Variants in TFF2 observed in about 807,000 individuals in gnomAD.
TFF2 encodes spasmolysin.
Under a neutral mutation model 16.0 loss-of-function variants are expected in TFF2, and 19 were observed. The ratio of observed to expected loss-of-function variants is 1.19; its 90% CI spans 0.83 to 1.74. The LOEUF is 1.74. TFF2 is among the 40% of genes most tolerant of loss of function. The pLI, the probability that TFF2 is intolerant of heterozygous loss-of-function variation, is 0.00. For synonymous variants in TFF2, 61 were observed against 65.4 expected, an observed-to-expected ratio of 0.93 and a Z score of 0.32; for missense variants, 168 against 166.8, an observed-to-expected ratio of 1.01 and a Z score of -0.04.
chr21:42,347,495 A>G lies in TFF2; in HGVS notation c.367T>C (p.Ser123Pro). Residue 123 changes from serine (S) to proline (P), a missense_variant, in exon 3 of 4, where the codon TCT becomes CCT. Ser to Pro is a moderately conservative substitution (Grantham distance 74). Coordinates refer to ENST00000291526, the MANE Select transcript of TFF2 (RefSeq NM_005423.5). ...CCCACAGCGACGTTACCTTCCACAG[A>G]CTTCGGGAAGAAGCACCAGGGCACT... ...FEVPWCFFPK[S>P]VEDCHY is the part of the protein sequence containing the mutation. The G allele has an allele frequency of 2.5e-6, 4 of 1,614,124 alleles. No individual in the cohort carries two copies. The highest frequency in any genetic ancestry group is 3.4e-6 in the Non-Finnish European group (4 of 1,179,996).
chr21:42,350,105 G>T, intron 1 of TFF2, 75 bp from the exon 2 acceptor site: 4 of 1,508,406 alleles, frequency 2.7e-6, no homozygotes, highest in Non-Finnish European at 3.6e-6. Flanking sequence ...GGTTCTAGGG[G>T]ATGCCTCTAC....
chr21:42,349,959 G>T lies in TFF2; in HGVS notation c.151C>A (p.Gln51Lys), dbSNP rs1016098281. Reference protein sequence around the residue: ...NCGFPGITSDQCFDNGCCFDS... With the variant: ...NCGFPGITSDKCFDNGCCFDS... ...AAACAGCATCCATTGTCAAAACACT[G>T]GTCACTGGTGATTCCAGGGAAGCCG... Residue 51 changes from glutamine (Q) to lysine (K), a missense_variant, in exon 2 of 4, where the codon CAG becomes AAG. Gln to Lys is a moderately conservative substitution (Grantham distance 53). Transcript: ENST00000291526. The T allele has an allele frequency of 2.3e-5, 36 of 1,599,082 alleles. No homozygotes were observed. Among genetic ancestry groups the T allele is most frequent in the Non-Finnish European group, 3.1e-5 (36 of 1,172,658 alleles).
Position 42,350,034 on chromosome 21 carries a change from T to C in TFF2, c.80-4A>G. The stretch of plus-strand genomic sequence containing the variant: ...AGCCTGGAGCACTGGCAGGGGGCTG[T>C]GGAAAGACCCTCAGTCGGCCCCACC... On this transcript the variant is annotated splice_polypyrimidine_tract_variant and splice_region_variant and intron_variant, in intron 1 of 3. Transcript: ENST00000291526. 1 of 1,595,820 alleles carries C rather than the reference T, an allele frequency of 6.3e-7. No individual in the cohort carries two copies. The highest frequency in any genetic ancestry group is 8.5e-7 in the Non-Finnish European group (1 of 1,171,350).
Position 42,346,524 on chromosome 21 carries a change from C to T in TFF2, c.*9G>A, listed in dbSNP as rs781695649. The T allele has an allele frequency of 6.2e-7, 1 of 1,608,506 alleles. No individual in the cohort carries two copies. Among genetic ancestry groups the T allele is most frequent in the East Asian group, 2.2e-5 (1 of 44,800 alleles). On this transcript the variant is annotated 3_prime_UTR_variant, in exon 4 of 4. Coordinates refer to ENST00000291526, the MANE Select transcript of TFF2 (RefSeq NM_005423.5). ...GTGAGCCAGATGCATCCTCTGGAAC[C>T]AGCCTCTCTTAGTAATGGCAGTCTA...
Position 42,350,041 on chromosome 21 carries a change from A to G in TFF2, c.80-11T>C, listed in dbSNP as rs2052104077. 6.3e-7 allele frequency: 1 copy of G among 1,591,322 alleles called. No individual in the cohort carries two copies. The highest frequency in any genetic ancestry group is 8.6e-7 in the Non-Finnish European group (1 of 1,169,400). On this transcript the variant is annotated splice_polypyrimidine_tract_variant and intron_variant, in intron 1 of 3. Coordinates refer to ENST00000291526, the MANE Select transcript of TFF2 (RefSeq NM_005423.5). The stretch of plus-strand genomic sequence containing the variant: ...AGCACTGGCAGGGGGCTGTGGAAAG[A>G]CCCTCAGTCGGCCCCACCCTGGTAC...
chr21:42,349,926 T>C lies in TFF2; in HGVS notation c.184A>G (p.Ser62Gly), dbSNP rs2052102702. The change falls in exon 2 of 4, where the codon AGT becomes GGT. Residue 62 changes from serine to glycine, a missense_variant. Coordinates refer to ENST00000291526, the MANE Select transcript of TFF2 (RefSeq NM_005423.5). Reference sequence around the variant, plus strand: ...AAACACCAGGGGACCCCAGTGACACTGGAGTCGAAACAGCATCCATTGTCA... The same window carrying C: ...AAACACCAGGGGACCCCAGTGACACCGGAGTCGAAACAGCATCCATTGTCA... ...CFDNGCCFDS[S>G]VTGVPWCFHP... 6.2e-7 allele frequency: 1 copy of C among 1,601,002 alleles called. No homozygotes were observed. Among genetic ancestry groups the C allele is most frequent in the South Asian group, 1.1e-5 (1 of 88,506 alleles).
chr21:42,347,715 A>T, intron 2 of TFF2, 83 bp from the exon 3 acceptor site: 1 of 1,531,898 alleles, frequency 6.5e-7, no homozygotes, highest in African/African-American at 1.4e-5. Flanking sequence ...CTCTGAGAGC[A>T]GCGCTGATTT....
chr21:42,350,231 GAA>G (rs5844112), intron 1 of TFF2: 11,317 of 946,088 alleles, frequency 0.012, no homozygotes, highest in Middle Eastern at 0.025. Context: ...AGTTTAAAAG[GAA>G]AAAAAAAAAA....
Position 42,350,869 on chromosome 21 carries a change from C to A in TFF2, c.79+10G>T, listed in dbSNP as rs767493833. On this transcript the variant is annotated intron_variant, in intron 1 of 3. Coordinates refer to ENST00000291526, the MANE Select transcript of TFF2 (RefSeq NM_005423.5). ...AGAAAGCACATAAAAAGACCCTCTC[C>A]TTCACTTACAGGGTTTCTCACTCCC... The A allele has an allele frequency of 4.5e-5, 73 of 1,605,984 alleles. No individual in the cohort carries two copies. The highest frequency in any genetic ancestry group is 5.6e-5 in the Non-Finnish European group (66 of 1,177,318).
chr21:42,347,656 C>G (rs1385409218), intron 2 of TFF2, 24 bp from the exon 3 acceptor site: 3 of 1,611,488 alleles, frequency 1.9e-6, no homozygotes, highest in East Asian at 2.2e-5. Context: ...GGCACAGCAC[C>G]GAGACCCAGT....
intron 3 of TFF2, among the ~76,000 whole-genome samples, 164 bp from the exon 4 acceptor site, chr21:42,346,710 C>T (rs2052071446): frequency 6.6e-6 from 1 of 152,194 alleles, no homozygotes; most frequent in South Asian, 2.1e-4. Flanking sequence ...CTTCCCACCC[C>T]AGGCCAGAGT....
In TFF2 at chr21:42,347,610, C is replaced by A. The variant is rs1485693426; in HGVS notation, c.252G>T (p.Glu84Asp). 6.2e-7 allele frequency: 1 copy of A among 1,614,054 alleles called. No homozygotes were observed. Among genetic ancestry groups the A allele is most frequent in the Non-Finnish European group, 8.5e-7 (1 of 1,180,036 alleles). ...AGCCACAGTTTCTTCGGTCTGAGAC[C>A]TCCATGACGCACTGATCCGACTCTG... Reference protein sequence around the residue: ...PKQESDQCVMEVSDRRNCGYP... With the variant: ...PKQESDQCVMDVSDRRNCGYP... Residue 84 changes from glutamate to aspartate, a missense_variant, in exon 3 of 4, where the codon GAG becomes GAT. By Grantham distance (45) the Glu-to-Asp change is conservative. Coordinates refer to ENST00000291526, the MANE Select transcript of TFF2 (RefSeq NM_005423.5).
chr21:42,350,224 T>G (rs2063548072), intron 1 of TFF2, 194 bp from the exon 2 acceptor site: 1 of 1,221,236 alleles, frequency 8.2e-7, no homozygotes, highest in African/African-American at 1.6e-5. Context: ...TTATATTAGT[T>G]TAAAAGGAAA....
At chr21:42,348,716 C>T (rs1216490371) in intron 2 of TFF2, among the ~76,000 whole-genome samples, 1 of 151,876 alleles carries the variant, frequency 6.6e-6, no homozygotes, top group Non-Finnish European at 1.5e-5. Context: ...CCTGGGCTAC[C>T]TCTAGACTAA....
chr21:42,348,769 G>A (rs1403083011), intron 2 of TFF2, among the ~76,000 whole-genome samples: 4 of 151,046 alleles, frequency 2.6e-5, no homozygotes, highest in African/African-American at 9.8e-5. Context: ...ACCAACCTGG[G>A]CTACCTCTAG....
At chr21:42,347,710 A>G in intron 2 of TFF2, 78 bp from the exon 3 acceptor site, 1 of 1,546,962 alleles carries the variant, frequency 6.5e-7, no homozygotes, top group Non-Finnish European at 8.7e-7. Flanking sequence ...TCCTCCTCTG[A>G]GAGCAGCGCT....
intron 2 of TFF2, 69 bp from the exon 3 acceptor site, chr21:42,347,701 C>A: frequency 6.3e-7 from 1 of 1,576,498 alleles, no homozygotes; most frequent in Non-Finnish European, 8.6e-7. Flanking sequence ...TCCACCCCTT[C>A]CTCCTCTGAG....
intron 3 of TFF2, 112 bp downstream of exon 3, chr21:42,347,374 C>A: frequency 2.1e-6 from 3 of 1,446,340 alleles, no homozygotes; most frequent in Non-Finnish European, 2.9e-6. Flanking sequence ...GGGCCCTGGC[C>A]TCGATGGCAC....
At chr21:42,346,852 A>G (rs1008716420) in intron 3 of TFF2, among the ~76,000 whole-genome samples, 3 of 152,218 alleles carry the variant, frequency 2.0e-5, no homozygotes, top group Non-Finnish European at 4.4e-5. Flanking sequence ...TGATATCCTA[A>G]CAAAAGGAAA....
Sources: gnomAD v4.1 joint callset for allele counts (sites outside exome capture counted in the v4.1 genomes callset) on GRCh38, gnomAD v4.1.1 for gene constraint, MANE v1.5 for transcripts, NCBI Gene and HGNC (gene_info 2026-07-23, HGNC 2026-07-21) for gene names.